The following CFAP54 variants were observed in gnomAD, a reference collection of about 807,000 sequenced individuals.
CFAP54 encodes cilia- and flagella-associated protein 54.
A neutral mutation model predicts 370.4 loss-of-function variants in CFAP54; 290 were observed. The ratio of observed to expected loss-of-function variants is 0.78; its 90% CI spans 0.71 to 0.86. The LOEUF (loss-of-function observed/expected upper bound fraction) is 0.86. Ranked by LOEUF, CFAP54 falls within the 40% of genes least tolerant of loss-of-function variation. The probability of loss-of-function intolerance (pLI) is 0.00; values close to 1 mark genes in which losing one functional copy is unlikely to be tolerated. For synonymous variants in CFAP54, 1,206 were observed against 1,236.5 expected (o/e 0.98, Z 0.52); for missense variants, 3,399 against 3,528.7 (o/e 0.96, Z 0.93).
chr12:96,811,789 A>G lies in CFAP54; in HGVS notation c.8904A>G (p.Arg2968=). 1 of 1,526,524 alleles carries G rather than the reference A, an allele frequency of 6.6e-7. No individual in the cohort carries two copies. Among genetic ancestry groups the G allele is most frequent in the South Asian group, 1.2e-5 (1 of 82,078 alleles). The allele number at this position is 1,526,524 out of a possible 1,614,324, so 94.6% of individuals were successfully genotyped here. ...AGCCTCTGAAGATTTCAGATGTTAG[A>G]CATTCCACTTATAACAGTACATGTG... ...NLKPLKISDV[R]HSTYNSTCVG... is the part of the protein sequence containing the mutation. The change falls in exon 64 of 68, where the codon AGA becomes AGG. Residue 2968 remains arginine (R), a synonymous_variant. Transcript: ENST00000524981.
At chr12:96,660,936 G>A (rs1558977) in intron 38 of CFAP54, among the ~76,000 whole-genome samples, 128,741 of 152,096 alleles carry the variant, frequency 0.85, 54,999 homozygotes, top group African/African-American at 0.95. Context: ...TTTATTATAA[G>A]GAAAATCACA....
At chr12:96,629,859 T>G (rs1319106038) in intron 30 of CFAP54, among the ~76,000 whole-genome samples, 1 of 152,188 alleles carries the variant, frequency 6.6e-6, no homozygotes, top group Non-Finnish European at 1.5e-5. Context: ...AAAGTTTCTA[T>G]TATTCAACAT....
chr12:96,621,485 G>T (rs1956487822), intron 26 of CFAP54, 105 bp from the exon 27 acceptor site: 2 of 763,744 alleles, frequency 2.6e-6, no homozygotes, highest in Non-Finnish European at 3.7e-6. Flanking sequence ...GGGATTCTTA[G>T]ACTGAAAACT....
chr12:96,830,330 G>T (rs939633385), intron 66 of CFAP54, among the ~76,000 whole-genome samples: 1 of 152,112 alleles, frequency 6.6e-6, no homozygotes, highest in African/African-American at 2.4e-5. Context: ...ATGCATAGAG[G>T]TTCCAATTTC....
Position 96,573,006 on chromosome 12 carries a change from T to C in CFAP54, c.2620-3579T>C, listed in dbSNP as rs1955938591. 14 of 985,302 alleles carry C rather than the reference T, an allele frequency of 1.4e-5. No individual in the cohort carries two copies. The South Asian group carries it at 5.6e-4, about 40-fold the overall frequency. 61.0% of individuals were successfully genotyped at this position (985,302 alleles called of 1,614,324 possible). A position where few individuals can be genotyped will look rare whatever the true frequency, so the allele number is the denominator to read the frequency against. ...GGAACTACCAAGGCAAATTTTGAGA[T>C]CAAATTTGGAGCCCAGAGAGGCTGG... On this transcript the variant is annotated intron_variant, in intron 19 of 67. Transcript: ENST00000524981.
At chr12:96,740,786 G>T (rs554917720) in intron 51 of CFAP54, among the ~76,000 whole-genome samples, 1 of 152,262 alleles carries the variant, frequency 6.6e-6, no homozygotes, top group Non-Finnish European at 1.5e-5. Flanking sequence ...TCAATTGGGG[G>T]TGATTTTGCC....
intron 63 of CFAP54, among the ~76,000 whole-genome samples, chr12:96,793,554 C>T (rs1958726532): frequency 6.6e-6 from 1 of 151,634 alleles, no homozygotes; most frequent in African/African-American, 2.4e-5. Flanking sequence ...TGACTTTTTT[C>T]CTCTGGGTAG....
At chr12:96,843,140 G>T (rs1307492303) in intron 66 of CFAP54, among the ~76,000 whole-genome samples, 1 of 152,194 alleles carries the variant, frequency 6.6e-6, no homozygotes, top group East Asian at 1.9e-4. Context: ...ACAAAATGCA[G>T]ACTTTAGTTC....
At chr12:96,720,588 G>A in intron 50 of CFAP54, 23 bp downstream of exon 50, 1 of 1,435,462 alleles carries the variant, frequency 7.0e-7, no homozygotes, top group Non-Finnish European at 9.2e-7. Context: ...ATGCACAGGG[G>A]AGGGATACCT....
intron 67 of CFAP54, among the ~76,000 whole-genome samples, chr12:96,864,674 A>G (rs974631354): frequency 6.6e-6 from 1 of 152,186 alleles, no homozygotes; most frequent in Non-Finnish European, 1.5e-5. Flanking sequence ...GAGGACTCCT[A>G]GAGTACTTCC....
intron 26 of CFAP54, among the ~76,000 whole-genome samples, chr12:96,620,898 T>C (rs1472126754): frequency 2.0e-5 from 3 of 152,206 alleles, no homozygotes; most frequent in African/African-American, 7.2e-5. Flanking sequence ...GACTGTCAGA[T>C]TTTATAATTG....
In CFAP54 at chr12:96,764,286, T is replaced by A. The variant is rs757212033; in HGVS notation, c.8139+37T>A. On this transcript the variant is annotated intron_variant, in intron 59 of 67. Coordinates refer to ENST00000524981, the MANE Select transcript of CFAP54 (RefSeq NM_001306084.2). The stretch of plus-strand genomic sequence containing the variant: ...TTTTGTTTAATCTTTCTTCTTACTG[T>A]CATATCTGTATTCTCTGCCTTTAAA... The A allele has an allele frequency of 1.3e-5, 19 of 1,467,832 alleles. No homozygotes were observed. The South Asian group carries it at 2.1e-4, about 16-fold the overall frequency. The allele number at this position is 1,467,832 out of a possible 1,614,324, so 90.9% of individuals were successfully genotyped here. A position where few individuals can be genotyped will look rare whatever the true frequency, so the allele number is the denominator to read the frequency against.
chr12:96,726,363 G>C (rs1957836223), intron 50 of CFAP54, among the ~76,000 whole-genome samples: 1 of 152,134 alleles, frequency 6.6e-6, no homozygotes, highest in African/African-American at 2.4e-5. Context: ...ATCTGTTATT[G>C]GTCTATTCAG....
intron 56 of CFAP54, among the ~76,000 whole-genome samples, chr12:96,754,644 G>A (rs1958229968): frequency 6.6e-6 from 1 of 152,082 alleles, no homozygotes; most frequent in Non-Finnish European, 1.5e-5. Flanking sequence ...CCAGCTCTGT[G>A]CCCTTTCCAC....
At chr12:96,750,299 C>A (rs1357981312) in intron 55 of CFAP54, among the ~76,000 whole-genome samples, 1 of 151,988 alleles carries the variant, frequency 6.6e-6, no homozygotes, top group Non-Finnish European at 1.5e-5. Context: ...GCAGCAGCAG[C>A]AGCAGCAGCA....
intron 42 of CFAP54, among the ~76,000 whole-genome samples, chr12:96,685,674 C>T (rs1007775761): frequency 2.0e-5 from 3 of 152,052 alleles, no homozygotes; most frequent in Admixed American, 1.3e-4. Context: ...CTCAGCCTCC[C>T]GAGTAGCTGG....
intron 40 of CFAP54, among the ~76,000 whole-genome samples, chr12:96,684,040 G>A (rs1365662062): frequency 6.6e-6 from 1 of 152,040 alleles, no homozygotes; most frequent in Non-Finnish European, 1.5e-5. Flanking sequence ...GATCTGCCCG[G>A]TTTGGCCTCC....
rs193085546 is a variant in CFAP54 at position 96,547,224 on chromosome 12, C to T, written c.2078-678C>T. Among the ~76,000 whole-genome samples, 566 of 152,238 alleles carry T rather than the reference C, an allele frequency of 3.7e-3. 2 individuals are homozygous for T. Among genetic ancestry groups the T allele is most frequent in the African/African-American group, 0.012 (508 of 41,552 alleles). On this transcript the variant is annotated intron_variant, in intron 14 of 67. Transcript: ENST00000524981. ...TTTTTGAGATGAAGTCTCACTCTGT[C>T]GCCCAGGCTGGAGTGCAGTGGCATG...
At chr12:96,769,516 C>G (rs1345798060) in intron 60 of CFAP54, among the ~76,000 whole-genome samples, 5 of 152,230 alleles carry the variant, frequency 3.3e-5, no homozygotes, top group Non-Finnish European at 7.3e-5. Context: ...TCATCAGCAG[C>G]TCTCTTAGAC....
Sources: allele counts gnomAD v4.1 joint callset (sites outside exome capture counted in the v4.1 genomes callset), GRCh38; gene constraint gnomAD v4.1.1; transcripts MANE v1.5; gene names NCBI Gene and HGNC (gene_info 2026-07-23, HGNC 2026-07-21).